Variants in HSD17B2 observed in about 807,000 individuals in gnomAD.
The protein encoded by HSD17B2 is 17-beta-hydroxysteroid dehydrogenase type 2.
In HSD17B2, 32 loss-of-function variants were observed where a neutral mutation model predicts 26.9. The ratio of observed to expected loss-of-function variants is 1.19; its 90% CI spans 0.90 to 1.60. The LOEUF (loss-of-function observed/expected upper bound fraction) is 1.60. Ranked by LOEUF, HSD17B2 falls within the 40% of genes most tolerant of loss-of-function variation. The pLI is 0.00. For synonymous variants in HSD17B2, 246 were observed against 186.7 expected (o/e 1.32, Z -2.59); for missense variants, 613 against 468.6 (o/e 1.31, Z -2.85).
chr16:82,056,521 G>T (rs1429619674), intron 1 of HSD17B2: 2 of 152,120 alleles, frequency 1.3e-5, no homozygotes, highest in South Asian at 2.1e-4. Flanking sequence ...CAGGTAAAAC[G>T]GATCTATGCT....
rs1386349324 is a variant in HSD17B2 at position 82,083,747 on chromosome 16, C to T, written c.665-7155C>T. Among the ~76,000 whole-genome samples, 4 of 152,152 alleles carry T rather than the reference C, an allele frequency of 2.6e-5. No homozygotes were observed. In the East Asian group the frequency reaches 7.7e-4, roughly 29 times the overall value. ...CCTCTGCCCCGTCACTTACTAGCTC[C>T]TGAGGAGATGACCCCAACAGGTAAC... is the stretch of plus-strand genomic sequence containing the variant. On this transcript the variant is annotated intron_variant, in intron 3 of 4. Coordinates refer to ENST00000199936, the MANE Select transcript of HSD17B2 (RefSeq NM_002153.3).
chr16:82,051,540 G>C (rs1914106469), intron 1 of HSD17B2, among the ~76,000 whole-genome samples: 2 of 151,512 alleles, frequency 1.3e-5, no homozygotes, highest in Admixed American at 6.6e-5. Flanking sequence ...CACAGAGAGA[G>C]TAACAGCACA....
intron 1 of HSD17B2, among the ~76,000 whole-genome samples, chr16:82,041,002 A>C (rs982125989): frequency 6.6e-6 from 1 of 152,206 alleles, no homozygotes; most frequent in African/African-American, 2.4e-5. Flanking sequence ...ATGCGGTTTA[A>C]GTTTTACCTT....
chr16:82,071,687 G>C (rs1426779918), intron 3 of HSD17B2: 1 of 179,738 alleles, frequency 5.6e-6, no homozygotes, highest in Admixed American at 5.5e-5. Context: ...CACAACTTGA[G>C]TCAAGGGCTG....
chr16:82,070,926 G>A lies in HSD17B2; in HGVS notation c.479-16G>A, dbSNP rs780901902. The A allele has an allele frequency of 2.5e-6, 4 of 1,606,312 alleles. No homozygotes were observed. Among genetic ancestry groups the A allele is most frequent in the Non-Finnish European group, 2.6e-6 (3 of 1,174,914 alleles). On this transcript the variant is annotated splice_polypyrimidine_tract_variant and intron_variant, in intron 2 of 4. Coordinates refer to ENST00000199936, the MANE Select transcript of HSD17B2 (RefSeq NM_002153.3). ...CCTCTTCCAGACACTCACTCATTAT[G>A]GTTTTCTGTCTCCAGGACTGTGGGC... is the stretch of plus-strand genomic sequence containing the variant.
intron 3 of HSD17B2, among the ~76,000 whole-genome samples, chr16:82,080,713 T>G (rs1904355680): frequency 6.6e-6 from 1 of 152,190 alleles, no homozygotes; most frequent in Non-Finnish European, 1.5e-5. Context: ...ATTCCAAACA[T>G]TTTTCTTTTT....
At position 82,035,306 on chromosome 16, in the gene HSD17B2, G is replaced by C. The variant is rs1340749570; in HGVS notation, c.-119G>C. ...CTATGCTCAGTTGAAAGGGGCTGGG[G>C]CTGCTTTCTCCCCTCCCTTCTTGAC... On this transcript the variant is annotated 5_prime_UTR_variant, in exon 1 of 5. Coordinates refer to ENST00000199936, the MANE Select transcript of HSD17B2 (RefSeq NM_002153.3). The C allele has an allele frequency of 8.1e-6, 7 of 869,248 alleles. No homozygotes were observed. The highest frequency in any genetic ancestry group is 1.2e-5 in the Non-Finnish European group (7 of 560,224). 53.8% of individuals were successfully genotyped at this position (869,248 alleles called of 1,614,324 possible).
chr16:82,088,902 C>A (rs1904605033), intron 3 of HSD17B2, among the ~76,000 whole-genome samples: 2 of 152,196 alleles, frequency 1.3e-5, no homozygotes, highest in South Asian at 4.1e-4. Context: ...AATTTACTAG[C>A]TCTTCAATTG....
intron 3 of HSD17B2, chr16:82,090,193 T>G: frequency 4.1e-6 from 4 of 979,626 alleles, no homozygotes; most frequent in Non-Finnish European, 4.8e-6. Flanking sequence ...TAGTGGACCC[T>G]CCTCCCCACA....
intron 3 of HSD17B2, among the ~76,000 whole-genome samples, chr16:82,077,472 G>A (rs987008585): frequency 6.6e-6 from 1 of 152,184 alleles, no homozygotes; most frequent in Non-Finnish European, 1.5e-5. Flanking sequence ...TGTGGCTCAT[G>A]CCTGTAATCC....
At chr16:82,046,494 A>C (rs976248070) in intron 1 of HSD17B2, among the ~76,000 whole-genome samples, 1 of 152,146 alleles carries the variant, frequency 6.6e-6, no homozygotes, top group African/African-American at 2.4e-5. Flanking sequence ...AGGCTGACAC[A>C]GGCAGATCAC....
intron 3 of HSD17B2, among the ~76,000 whole-genome samples, chr16:82,083,450 T>G (rs1904435640): frequency 6.6e-6 from 1 of 152,204 alleles, no homozygotes; most frequent in African/African-American, 2.4e-5. Flanking sequence ...GGAACAGTTC[T>G]GAACCTCTGA....
At chr16:82,038,376 G>T (rs1021587752) in intron 1 of HSD17B2, among the ~76,000 whole-genome samples, 1 of 152,014 alleles carries the variant, frequency 6.6e-6, no homozygotes. Context: ...TTGAGATGGG[G>T]TCTCAATCTG....
chr16:82,046,209 C>G (rs1056040952), intron 1 of HSD17B2, among the ~76,000 whole-genome samples: 3 of 152,004 alleles, frequency 2.0e-5, no homozygotes, highest in African/African-American at 7.2e-5. Flanking sequence ...GGCCCTGCCT[C>G]ATGAAGCTTA....
At chr16:82,066,700 T>C (rs1914580386) in intron 1 of HSD17B2, among the ~76,000 whole-genome samples, 1 of 151,596 alleles carries the variant, frequency 6.6e-6, no homozygotes, top group Admixed American at 6.6e-5. Flanking sequence ...TGGCATCAAC[T>C]CTCCTTCTTT....
In HSD17B2 at chr16:82,075,400, A is replaced by T. The variant is rs533794679; in HGVS notation, c.664+4273A>T. 7.2e-5 allele frequency among the ~76,000 whole-genome samples: 11 copies of T among 152,278 alleles called. 1 individual carries two copies. In the South Asian group the frequency reaches 2.3e-3, roughly 32 times the overall value. On this transcript the variant is annotated intron_variant, in intron 3 of 4. Coordinates refer to ENST00000199936, the MANE Select transcript of HSD17B2 (RefSeq NM_002153.3). ...AAAGAAGAAGACAATACAAAAGATC[A>T]GCAAAATGAAAAGTTGGTTTCTGGA... is the stretch of plus-strand genomic sequence containing the variant.
chr16:82,076,241 C>A (rs549481581), intron 3 of HSD17B2, among the ~76,000 whole-genome samples: 1 of 152,086 alleles, frequency 6.6e-6, no homozygotes, highest in Non-Finnish European at 1.5e-5. Flanking sequence ...CACATCTCAA[C>A]GTAACAAAAG....
chr16:82,047,617 G>C (rs1053627717), intron 1 of HSD17B2, among the ~76,000 whole-genome samples: 1 of 152,192 alleles, frequency 6.6e-6, no homozygotes, highest in Non-Finnish European at 1.5e-5. Flanking sequence ...GACTGGGGTA[G>C]AGGCCATGAG....
intron 3 of HSD17B2, among the ~76,000 whole-genome samples, chr16:82,074,112 T>C (rs1914759282): frequency 6.6e-6 from 1 of 152,328 alleles, no homozygotes; most frequent in African/African-American, 2.4e-5. Flanking sequence ...AAGGATTCCC[T>C]ATTCAATAAA....
Sources: allele counts gnomAD v4.1 joint callset (sites outside exome capture counted in the v4.1 genomes callset), GRCh38; gene constraint gnomAD v4.1.1; transcripts MANE v1.5; gene names NCBI Gene and HGNC (gene_info 2026-07-23, HGNC 2026-07-21).